PPM1H: variants seen among roughly 807,000 people sequenced by gnomAD.
The protein encoded by PPM1H is protein phosphatase 1H.
Under a neutral mutation model 54.9 loss-of-function variants are expected in PPM1H, and 27 were observed. The observed-to-expected ratio is 0.49, with a 90% CI of 0.36 to 0.68. PPM1H has a LOEUF of 0.68. Ranked by LOEUF, PPM1H falls within the 30% of genes least tolerant of loss-of-function variation. The pLI is 0.00. For synonymous variants in PPM1H, 305 were observed against 270.8 expected (o/e 1.13, Z -1.24); for missense variants, 596 against 667.8 (o/e 0.89, Z 1.19).
At chr12:62,782,049 C>T (rs2120682466) in intron 4 of PPM1H, among the ~76,000 whole-genome samples, 1 of 151,858 alleles carries the variant, frequency 6.6e-6, no homozygotes, top group East Asian at 1.9e-4. Context: ...CAAATACATG[C>T]CAAAGAAAGT....
chr12:62,761,091 T>A (rs542429801), intron 4 of PPM1H, among the ~76,000 whole-genome samples: 1 of 152,076 alleles, frequency 6.6e-6, no homozygotes, highest in East Asian at 1.9e-4. Context: ...CAGCAAGAGA[T>A]AACAAAACCA....
intron 1 of PPM1H, among the ~76,000 whole-genome samples, chr12:62,881,117 T>C (rs1870378601): frequency 6.6e-6 from 1 of 152,168 alleles, no homozygotes. Context: ...TGTGATGGCT[T>C]TGTGGTGTCA....
At chr12:62,842,656 G>A (rs148388138) in intron 1 of PPM1H, among the ~76,000 whole-genome samples, 1 of 152,156 alleles carries the variant, frequency 6.6e-6, no homozygotes, top group Non-Finnish European at 1.5e-5. Flanking sequence ...TTATACAGAA[G>A]GGGACTGTTA....
At chr12:62,737,628 A>G in intron 4 of PPM1H, 42 bp from the exon 5 acceptor site, 1 of 1,342,126 alleles carries the variant, frequency 7.5e-7, no homozygotes, top group Non-Finnish European at 1.0e-6. Context: ...AATCTCATAA[A>G]TGCTCTGATT....
At chr12:62,765,770 A>G (rs1479059899) in intron 4 of PPM1H, among the ~76,000 whole-genome samples, 1 of 152,180 alleles carries the variant, frequency 6.6e-6, no homozygotes, top group African/African-American at 2.4e-5. Context: ...GAAGACCTCA[A>G]GGAAGAAGTG....
intron 2 of PPM1H, among the ~76,000 whole-genome samples, chr12:62,830,090 C>T (rs998629326): frequency 1.3e-5 from 2 of 152,156 alleles, no homozygotes; most frequent in Admixed American, 6.5e-5. Flanking sequence ...TAGAGAATAA[C>T]GAAGTGGGAC....
chr12:62,702,483 A>G (rs1213590163), intron 6 of PPM1H, among the ~76,000 whole-genome samples: 1 of 151,654 alleles, frequency 6.6e-6, no homozygotes, highest in Non-Finnish European at 1.5e-5. Flanking sequence ...ACACTTTGGC[A>G]TCATCAACAT....
chr12:62,662,593 T>C (rs547116065), intron 9 of PPM1H, among the ~76,000 whole-genome samples: 53 of 152,198 alleles, frequency 3.5e-4, no homozygotes, highest in Non-Finnish European at 6.3e-4. Flanking sequence ...CCATTTTACA[T>C]ATGAACAATC....
chr12:62,829,609 C>T (rs1049036363), intron 2 of PPM1H, among the ~76,000 whole-genome samples: 4 of 152,184 alleles, frequency 2.6e-5, no homozygotes, highest in South Asian at 2.1e-4. Flanking sequence ...CTGCTGTGGT[C>T]GGAGCAGGAC....
Position 62,834,926 on chromosome 12 carries a change from C to T in PPM1H, c.246-2647G>A, listed in dbSNP as rs902940600. Among the ~76,000 whole-genome samples, 29 of 152,088 alleles carry T rather than the reference C, an allele frequency of 1.9e-4. 1 individual carries two copies. The highest frequency in any genetic ancestry group is 6.8e-4 in the African/African-American group (28 of 41,404). ...CCACCATGGTGTCCCAAATGTGCGC[C>T]TTCCCTGGGGAAAGCTCAAGTGGGG... On this transcript the variant is annotated intron_variant, in intron 1 of 9. Transcript: ENST00000228705.
chr12:62,847,208 G>T (rs1475032664), intron 1 of PPM1H, among the ~76,000 whole-genome samples: 3 of 152,214 alleles, frequency 2.0e-5, no homozygotes, highest in African/African-American at 4.8e-5. Context: ...ATATTTGTGA[G>T]AAGAGTACAT....
At chr12:62,799,361 G>A (rs1330922914) in intron 3 of PPM1H, among the ~76,000 whole-genome samples, 1 of 152,176 alleles carries the variant, frequency 6.6e-6, no homozygotes, top group Admixed American at 6.6e-5. Flanking sequence ...CCAGGTAAAA[G>A]ATGTCCTGTG....
chr12:62,655,801 G>A (rs1346687073), intron 9 of PPM1H, among the ~76,000 whole-genome samples: 1 of 152,190 alleles, frequency 6.6e-6, no homozygotes, highest in Non-Finnish European at 1.5e-5. Flanking sequence ...AACTGCGGAG[G>A]AGTTTGAAAT....
At chr12:62,807,047 T>C (rs2120765474) in intron 2 of PPM1H, among the ~76,000 whole-genome samples, 1 of 152,096 alleles carries the variant, frequency 6.6e-6, no homozygotes. Context: ...TCCCAAGCAG[T>C]AGCAACAGCA....
chr12:62,726,279 T>A (rs1224549651), intron 5 of PPM1H, among the ~76,000 whole-genome samples: 1 of 152,062 alleles, frequency 6.6e-6, no homozygotes, highest in Non-Finnish European at 1.5e-5. Flanking sequence ...GGAAAACACT[T>A]ACGGTTATTA....
At chr12:62,653,203 C>T (rs2075825103) in intron 9 of PPM1H, among the ~76,000 whole-genome samples, 1 of 152,178 alleles carries the variant, frequency 6.6e-6, no homozygotes, top group South Asian at 2.1e-4. Context: ...CAAAAAGGAG[C>T]TTTTTACTTA....
In PPM1H at chr12:62,648,644, G is replaced by A. The variant is rs770471843; in HGVS notation, c.1398-8C>T. The stretch of plus-strand genomic sequence containing the variant: ...TGAGCTGCCAGTGTGTACCTACACA[G>A]GAGAACCAGGAACGAGACAGTCAGT... On this transcript the variant is annotated splice_polypyrimidine_tract_variant and splice_region_variant and intron_variant, in intron 9 of 9. Transcript: ENST00000228705. 2.5e-6 allele frequency: 4 copies of A among 1,613,214 alleles called. No homozygotes were observed. In the African/African-American group the frequency reaches 4.0e-5, roughly 16 times the overall value.
Position 62,647,025 on chromosome 12 carries a change from T to TACC in PPM1H, c.*1461_*1463dup, listed in dbSNP as rs2075789581. ...CTCAAAGTTGTCAAAATGGTGGCAATACCTCAGTAGCTCAGCAGGAAGAAG... is the reference window on the plus strand; with the variant it reads ...CTCAAAGTTGTCAAAATGGTGGCAATACCACCTCAGTAGCTCAGCAGGAAGAAG... On this transcript the variant is annotated 3_prime_UTR_variant, in exon 10 of 10. Coordinates refer to ENST00000228705, the MANE Select transcript of PPM1H (RefSeq NM_020700.2). 6.6e-6 allele frequency: 1 copy of TACC among 152,334 alleles called. No homozygotes were observed. The highest frequency in any genetic ancestry group is 2.1e-4 in the South Asian group (1 of 4,830). 9.4% of individuals were successfully genotyped at this position (152,334 alleles called of 1,614,324 possible).
chr12:62,757,793 T>G (rs188237349), intron 4 of PPM1H, among the ~76,000 whole-genome samples: 2 of 152,354 alleles, frequency 1.3e-5, no homozygotes, highest in East Asian at 3.9e-4. Context: ...TTCAAATGTT[T>G]AGCATCAGTC....
Sources: gnomAD v4.1 joint callset for allele counts (sites outside exome capture counted in the v4.1 genomes callset) on GRCh38, gnomAD v4.1.1 for gene constraint, MANE v1.5 for transcripts, NCBI Gene and HGNC (gene_info 2026-07-23, HGNC 2026-07-21) for gene names.